The following ATRNL1 variants were observed in gnomAD, a reference collection of about 807,000 sequenced individuals.
The protein encoded by ATRNL1 is attractin-like protein 1.
ATRNL1 carries 95 observed loss-of-function variants against 182.7 expected under a neutral mutation model. That is an observed-to-expected ratio of 0.52 (90% confidence interval 0.44 to 0.62). ATRNL1 has a LOEUF of 0.62. Ranked by LOEUF, ATRNL1 falls within the 20% of genes least tolerant of loss-of-function variation. The pLI is 0.00. For synonymous variants in ATRNL1, 576 were observed against 568.3 expected, an observed-to-expected ratio of 1.01 and a Z score of -0.19; for missense variants, 1,471 against 1,679.5, an observed-to-expected ratio of 0.88 and a Z score of 2.17.
chr10:115,603,316 G>A (rs1856710944), intron 26 of ATRNL1, among the ~76,000 whole-genome samples: 1 of 152,020 alleles, frequency 6.6e-6, no homozygotes, highest in Non-Finnish European at 1.5e-5. Flanking sequence ...AACAAAAGAT[G>A]CTAATATCGC....
chr10:115,178,238 C>T (rs1283239840), intron 8 of ATRNL1, among the ~76,000 whole-genome samples: 1 of 151,908 alleles, frequency 6.6e-6, no homozygotes, highest in Non-Finnish European at 1.5e-5. Flanking sequence ...GTGAGAACAT[C>T]CTAGAGTACA....
chr10:115,704,045 G>A (rs1946821844), intron 26 of ATRNL1, among the ~76,000 whole-genome samples: 1 of 151,942 alleles, frequency 6.6e-6, no homozygotes, highest in African/African-American at 2.4e-5. Context: ...ATTTATTAAA[G>A]ACAGTCAGTT....
Position 115,833,301 on chromosome 10 carries a change from C to T in ATRNL1, c.3904-14576C>T, listed in dbSNP as rs1490762701. Among the ~76,000 whole-genome samples, 3 of 152,110 alleles carry T rather than the reference C, an allele frequency of 2.0e-5. No individual in the cohort carries two copies. The East Asian group carries it at 5.8e-4, about 29-fold the overall frequency. On this transcript the variant is annotated intron_variant, in intron 27 of 28. Coordinates refer to ENST00000355044, the MANE Select transcript of ATRNL1 (RefSeq NM_207303.4). ...GAAATTTGGGCCTAGAAAGATTAGT[C>T]TAGTTACCTAAAGTCACGTGATCTG...
At chr10:115,376,198 G>T (rs1425677551) in intron 19 of ATRNL1, among the ~76,000 whole-genome samples, 1 of 151,894 alleles carries the variant, frequency 6.6e-6, no homozygotes, top group Non-Finnish European at 1.5e-5. Flanking sequence ...TTTAAAGGGG[G>T]TAGGGATTTC....
intron 18 of ATRNL1, among the ~76,000 whole-genome samples, chr10:115,329,330 A>G (rs185520931): frequency 2.4e-4 from 37 of 152,222 alleles, no homozygotes; most frequent in Admixed American, 1.1e-3. Context: ...AGAATGTTGC[A>G]TATGCATTTG....
intron 8 of ATRNL1, among the ~76,000 whole-genome samples, chr10:115,194,414 T>C (rs1848281575): frequency 6.6e-6 from 1 of 152,062 alleles, no homozygotes; most frequent in Non-Finnish European, 1.5e-5. Context: ...ATCATCTTGC[T>C]GAAGAGACTC....
At chr10:115,410,404 C>G (rs1243084195) in intron 20 of ATRNL1, among the ~76,000 whole-genome samples, 1 of 151,698 alleles carries the variant, frequency 6.6e-6, no homozygotes, top group African/African-American at 2.4e-5. Context: ...TCACTGGAAA[C>G]TCTGCCTCTC....
rs562841553 is a variant in ATRNL1, at chr10:115,921,162, A to C, written c.4019-23496A>C. ...TTTAGATAATGCTATTATTTAATCA[A>C]AAATGTCAAATACCAGCAATCACAC... On this transcript the variant is annotated intron_variant, in intron 28 of 28. Transcript: ENST00000355044. Among the ~76,000 whole-genome samples, 34 of 152,322 alleles carry C rather than the reference A, an allele frequency of 2.2e-4. 2 individuals are homozygous for C. In the South Asian group the frequency reaches 7.0e-3, roughly 32 times the overall value.
intron 19 of ATRNL1, among the ~76,000 whole-genome samples, chr10:115,357,199 G>C (rs1256076305): frequency 6.6e-6 from 1 of 151,816 alleles, no homozygotes; most frequent in Non-Finnish European, 1.5e-5. Context: ...TGAAATGACA[G>C]GCCTAGGGTG....
At chr10:115,719,861 C>CTTTT (rs35436098) in intron 26 of ATRNL1, among the ~76,000 whole-genome samples, 1 of 128,708 alleles carries the variant, frequency 7.8e-6, no homozygotes. Context: ...CCCACACACT[C>CTTTT]TTTTTTTTTT....
chr10:115,259,005 G>A (rs981428355), intron 10 of ATRNL1, among the ~76,000 whole-genome samples: 2 of 152,086 alleles, frequency 1.3e-5, no homozygotes, highest in Admixed American at 6.5e-5. Context: ...ATCCCAACGG[G>A]GCAGCCACCT....
chr10:115,678,532 G>A (rs1042047169), intron 26 of ATRNL1, among the ~76,000 whole-genome samples: 1 of 152,006 alleles, frequency 6.6e-6, no homozygotes, highest in Admixed American at 6.6e-5. Flanking sequence ...CTCAGTTCTG[G>A]CTTCTGTTTT....
chr10:115,218,655 T>G (rs1554896738), intron 9 of ATRNL1, among the ~76,000 whole-genome samples: 1 of 152,174 alleles, frequency 6.6e-6, no homozygotes, highest in Non-Finnish European at 1.5e-5. Context: ...TGTCAGAAAT[T>G]CGAGAGTTTA....
chr10:115,324,801 C>G (rs1392964369), intron 18 of ATRNL1, among the ~76,000 whole-genome samples: 1 of 152,068 alleles, frequency 6.6e-6, no homozygotes, highest in Non-Finnish European at 1.5e-5. Flanking sequence ...AGAATTATAT[C>G]CTCTTGGTCT....
intron 26 of ATRNL1, among the ~76,000 whole-genome samples, chr10:115,607,748 A>G (rs1308859233): frequency 1.3e-5 from 2 of 151,946 alleles, no homozygotes; most frequent in African/African-American, 4.8e-5. Flanking sequence ...TGTGTTATAG[A>G]ATAATGAAGT....
At chr10:115,608,061 A>G (rs1856960693) in intron 26 of ATRNL1, among the ~76,000 whole-genome samples, 2 of 151,896 alleles carry the variant, frequency 1.3e-5, no homozygotes, top group African/African-American at 2.4e-5. Context: ...TATATATGCT[A>G]TTGGTTTAGT....
At chr10:115,563,816 T>C (rs1853911180) in intron 26 of ATRNL1, among the ~76,000 whole-genome samples, 1 of 152,104 alleles carries the variant, frequency 6.6e-6, no homozygotes, top group Non-Finnish European at 1.5e-5. Flanking sequence ...ATAGGTAATA[T>C]ATTGAATGAC....
At chr10:115,819,511 G>A (rs1377402726) in intron 27 of ATRNL1, among the ~76,000 whole-genome samples, 2 of 152,068 alleles carry the variant, frequency 1.3e-5, no homozygotes, top group Admixed American at 1.3e-4. Flanking sequence ...AGCATGAGTT[G>A]TTCAAGTGAT....
chr10:115,300,231 C>T lies in ATRNL1; in HGVS notation c.2613C>T (p.Val871=). The T allele has an allele frequency of 6.2e-7, 1 of 1,613,588 alleles. No individual in the cohort carries two copies. Among genetic ancestry groups the T allele is most frequent in the South Asian group, 1.1e-5 (1 of 90,998 alleles). Residue 871 remains valine (V), a synonymous_variant, in exon 16 of 29, where the codon GTC becomes GTT. Coordinates refer to ENST00000355044, the MANE Select transcript of ATRNL1 (RefSeq NM_207303.4). ...GTACATCTATGGCAAATGGCCTTGT[C>T]TGTGAAAAACCTGTTGGTAAGTAGT... ...NPCTSMANGL[V]CEKPVVSPNQ...
Sources: gnomAD v4.1 joint callset for allele counts (sites outside exome capture counted in the v4.1 genomes callset) on GRCh38, gnomAD v4.1.1 for gene constraint, MANE v1.5 for transcripts, NCBI Gene and HGNC (gene_info 2026-07-23, HGNC 2026-07-21) for gene names.